The following FAM162A variants were observed in gnomAD, a reference collection of about 807,000 sequenced individuals.
FAM162A encodes protein FAM162A.
In FAM162A, 23 loss-of-function variants were observed where a neutral mutation model predicts 21.8. The ratio of observed to expected loss-of-function variants is 1.05; its 90% confidence interval spans 0.76 to 1.49. The LOEUF (loss-of-function observed/expected upper bound fraction) is 1.49. Among genes scored for constraint, FAM162A ranks in the 40% most tolerant of loss-of-function variants. The pLI, the probability that FAM162A is intolerant of heterozygous loss-of-function variation, is 0.00. For missense variants in FAM162A, 165 were observed against 186.4 expected (o/e 0.89, Z 0.67); for synonymous variants, 53 against 61.3 (o/e 0.86, Z 0.64).
chr3:122,395,338 G>A (rs1441803925), intron 1 of FAM162A, among the ~76,000 whole-genome samples: 2 of 152,176 alleles, frequency 1.3e-5, no homozygotes, highest in African/African-American at 4.8e-5. Flanking sequence ...ACATGATCAT[G>A]TATATAGAAA....
At chr3:122,386,055 T>C (rs950686466) in intron 1 of FAM162A, among the ~76,000 whole-genome samples, 2 of 152,200 alleles carry the variant, frequency 1.3e-5, no homozygotes, top group African/African-American at 4.8e-5. Flanking sequence ...TTTGTGCTTT[T>C]TGCTGTTGTT....
chr3:122,396,683 G>A (rs2075629152), intron 1 of FAM162A, among the ~76,000 whole-genome samples: 1 of 152,042 alleles, frequency 6.6e-6, no homozygotes, highest in South Asian at 2.1e-4. Context: ...GTACACAAAT[G>A]TTTATAACAG....
intron 4 of FAM162A, among the ~76,000 whole-genome samples, chr3:122,408,402 T>C (rs1319639332): frequency 1.3e-5 from 2 of 152,230 alleles, no homozygotes; most frequent in Non-Finnish European, 2.9e-5. Context: ...AGTGATGTCT[T>C]ACAACTACTT....
chr3:122,406,281 A>T (rs2075676214), intron 3 of FAM162A, among the ~76,000 whole-genome samples: 1 of 152,192 alleles, frequency 6.6e-6, no homozygotes, highest in Non-Finnish European at 1.5e-5. Context: ...CAGAATCGTG[A>T]CCACCAGGTG....
intron 1 of FAM162A, among the ~76,000 whole-genome samples, chr3:122,393,433 C>A (rs2075613027): frequency 6.6e-6 from 1 of 152,078 alleles, no homozygotes; most frequent in Admixed American, 6.5e-5. Flanking sequence ...CTTCTTTCAG[C>A]TTCACAATAG....
chr3:122,402,505 C>T (rs1482367709), intron 1 of FAM162A, among the ~76,000 whole-genome samples: 1 of 152,068 alleles, frequency 6.6e-6, no homozygotes, highest in Admixed American at 6.6e-5. Context: ...GTGGGAAGTA[C>T]TTATTTAAAA....
chr3:122,409,672 G>C (rs10511410), intron 4 of FAM162A, 67 bp from the exon 5 acceptor site: 381,189 of 1,402,716 alleles, frequency 0.27, 53,442 homozygotes, highest in Non-Finnish European at 0.29. Flanking sequence ...GCTGTCATCA[G>C]TGCAAGGTAA....
In FAM162A at chr3:122,410,666, C is replaced by T. The variant is rs1231331296; in HGVS notation, c.*835C>T. 6.6e-6 allele frequency: 1 copy of T among 152,192 alleles called. No individual in the cohort carries two copies. Among genetic ancestry groups the T allele is most frequent in the Non-Finnish European group, 1.5e-5 (1 of 68,028 alleles). The allele number at this position is 152,192 out of a possible 1,614,324, so 9.4% of individuals were successfully genotyped here. The stretch of plus-strand genomic sequence containing the variant: ...GATTCTCACATGCTTCTTAATTATT[C>T]ATGGATGACAAGCCATTATAGTAGT... On this transcript the variant is annotated 3_prime_UTR_variant, in exon 5 of 5. Transcript: ENST00000477892.
intron 4 of FAM162A, 127 bp from the exon 5 acceptor site, chr3:122,409,612 T>C: frequency 1.3e-6 from 1 of 748,972 alleles, no homozygotes. Context: ...ACTGCCGTGC[T>C]CAGTGTGCAA....
intron 2 of FAM162A, 73 bp from the exon 3 acceptor site, chr3:122,404,185 C>G (rs1407632077): frequency 1.6e-6 from 1 of 615,472 alleles, no homozygotes; most frequent in African/African-American, 1.9e-5. Context: ...AGCACTAATA[C>G]CATTTTTCTG....
At chr3:122,392,799 A>G (rs1205360143) in intron 1 of FAM162A, among the ~76,000 whole-genome samples, 2 of 152,242 alleles carry the variant, frequency 1.3e-5, no homozygotes, top group African/African-American at 4.8e-5. Context: ...CCATGGCCTC[A>G]TAACTGCATA....
intron 1 of FAM162A, among the ~76,000 whole-genome samples, chr3:122,401,836 TG>T (rs2075654988): frequency 6.6e-6 from 1 of 152,084 alleles, no homozygotes; most frequent in Non-Finnish European, 1.5e-5. Context: ...CTTGATAATT[TG>T]TTTAAGTTCC....
intron 1 of FAM162A, among the ~76,000 whole-genome samples, chr3:122,391,745 T>C (rs897979897): frequency 3.3e-5 from 5 of 152,260 alleles, no homozygotes; most frequent in African/African-American, 1.2e-4. Context: ...TTTTAGGGTC[T>C]TTGCATTTAT....
intron 1 of FAM162A, 35 bp from the exon 2 acceptor site, chr3:122,402,725 T>C (rs1560001634): frequency 3.3e-6 from 5 of 1,498,266 alleles, no homozygotes; most frequent in Non-Finnish European, 4.5e-6. Flanking sequence ...ATTTTCTTTC[T>C]TTCTTTCTTT....
At chr3:122,385,227 G>A (rs1489802038) in intron 1 of FAM162A, among the ~76,000 whole-genome samples, 4 of 152,046 alleles carry the variant, frequency 2.6e-5, no homozygotes, top group Non-Finnish European at 5.9e-5. Flanking sequence ...TCACAAGTTT[G>A]ATACATAACC....
At chr3:122,396,390 A>G (rs1398482081) in intron 1 of FAM162A, among the ~76,000 whole-genome samples, 1 of 152,234 alleles carries the variant, frequency 6.6e-6, no homozygotes, top group African/African-American at 2.4e-5. Context: ...GCCAATTAGT[A>G]CATGAAAAGA....
intron 4 of FAM162A, 52 bp from the exon 5 acceptor site, chr3:122,409,687 A>T: frequency 6.5e-7 from 1 of 1,532,734 alleles, no homozygotes; most frequent in South Asian, 1.1e-5. Context: ...AGGTAAAGAC[A>T]CCCTCCCCTG....
At chr3:122,408,980 T>C (rs1468279672) in intron 4 of FAM162A, among the ~76,000 whole-genome samples, 1 of 152,134 alleles carries the variant, frequency 6.6e-6, no homozygotes, top group Non-Finnish European at 1.5e-5. Flanking sequence ...CATTGTATAT[T>C]TTGCTCTCAC....
rs1264027801 is a variant in FAM162A, at chr3:122,410,413, T to C, written c.*582T>C. 2 of 156,084 alleles carry C rather than the reference T, an allele frequency of 1.3e-5. No individual in the cohort carries two copies. Among genetic ancestry groups the C allele is most frequent in the Admixed American group, 6.3e-5 (1 of 15,858 alleles). The allele number at this position is 156,084 out of a possible 1,614,324, so 9.7% of individuals were successfully genotyped here. On this transcript the variant is annotated 3_prime_UTR_variant, in exon 5 of 5. Coordinates refer to ENST00000477892, the MANE Select transcript of FAM162A (RefSeq NM_014367.4). ...TAAGGACTTAGAAATCCCAGCGTCA[T>C]GGAGTTGCTTGGGGTCAACACAAGT...
Sources: allele counts gnomAD v4.1 joint callset (sites outside exome capture counted in the v4.1 genomes callset), GRCh38; gene constraint gnomAD v4.1.1; transcripts MANE v1.5; gene names NCBI Gene and HGNC (gene_info 2026-07-23, HGNC 2026-07-21).